SON: variants seen among roughly 807,000 people sequenced by gnomAD.
SON encodes protein SON.
SON carries 4 observed loss-of-function variants against 173.3 expected under a neutral mutation model. The observed-to-expected ratio is 0.02, with a 90% confidence interval of 0.01 to 0.05. The LOEUF (loss-of-function observed/expected upper bound fraction) is 0.05, where lower values mean the gene tolerates loss of function less well. Among genes scored for constraint, SON ranks in the 10% least tolerant of loss-of-function variants. The probability of loss-of-function intolerance (pLI) is 1.00; values close to 1 mark genes in which losing one functional copy is unlikely to be tolerated. For missense variants in SON, 2,626 were observed against 3,055.3 expected (o/e 0.86, Z 3.31); for synonymous variants, 1,190 against 1,105.9 (o/e 1.08, Z -1.51).
At chr21:33,561,445 A>G (rs1188201541) in intron 6 of SON, among the ~76,000 whole-genome samples, 1 of 151,296 alleles carries the variant, frequency 6.6e-6, no homozygotes, top group Non-Finnish European at 1.5e-5. Context: ...AAAGAGTTGG[A>G]AAAAAAAATA....
Position 33,552,812 on chromosome 21 carries a change from C to G in SON, c.3581C>G (p.Thr1194Ser), listed in dbSNP as rs984517284. 1 of 1,613,806 alleles carries G rather than the reference C, an allele frequency of 6.2e-7. No homozygotes were observed. ...TEQSALTAEN[T>S]WPTEVPSSPS... ...CAGTCAGCATTAACAGCTGAAAATA[C>G]TTGGCCTACAGAGGTGCCATCATCA... is the stretch of plus-strand genomic sequence containing the variant. Residue 1194 changes from threonine (T) to serine (S), a missense_variant, in exon 3 of 12, where the codon ACT becomes AGT. Coordinates refer to ENST00000356577, the MANE Select transcript of SON (RefSeq NM_138927.4). The surrounding 1 kb of genome is among the most constrained non-coding windows in gnomAD (Gnocchi z 5.6).
rs1189041666 is a variant in SON at position 33,553,601 on chromosome 21, A to G, written c.4370A>G (p.Gln1457Arg). The G allele has an allele frequency of 6.2e-7, 1 of 1,614,064 alleles. No homozygotes were observed. The highest frequency in any genetic ancestry group is 1.3e-5 in the African/African-American group (1 of 75,032). Reference sequence around the variant, plus strand: ...GAGCCTGCTGTCACAGTCTCAGAGCAGACTCAAGTAATACCAACTGAGGTG... The same window carrying G: ...GAGCCTGCTGTCACAGTCTCAGAGCGGACTCAAGTAATACCAACTGAGGTG... ...VSEPAVTVSE[Q>R]TQVIPTEVAI... The change falls in exon 3 of 12, where the codon CAG (glutamine) becomes CGG (arginine). Residue 1457 changes from glutamine to arginine, a missense_variant. Physicochemically the swap from Gln to Arg is conservative, Grantham distance 43. Coordinates refer to ENST00000356577, the MANE Select transcript of SON (RefSeq NM_138927.4).
intron 11 of SON, 49 bp downstream of exon 11, chr21:33,575,942 C>T (rs2086389050): frequency 1.1e-6 from 1 of 902,920 alleles, no homozygotes; most frequent in Non-Finnish European, 1.7e-6. Context: ...AATGTGATGA[C>T]TTAGAGGGTG....
chr21:33,564,318 T>C (rs1191125499), intron 6 of SON, among the ~76,000 whole-genome samples: 1 of 152,116 alleles, frequency 6.6e-6, no homozygotes, highest in African/African-American at 2.4e-5. Flanking sequence ...CTGTAAGAAG[T>C]TGTACTGGGC....
rs2085739839 is a variant in SON, at chr21:33,550,376, A to G, written c.1145A>G (p.Glu382Gly). 6.2e-7 allele frequency: 1 copy of G among 1,613,878 alleles called. No homozygotes were observed. The highest frequency in any genetic ancestry group is 8.5e-7 in the Non-Finnish European group (1 of 1,180,014). Residue 382 changes from glutamate (E) to glycine (G), a missense_variant, in exon 3 of 12, where the codon GAG (glutamate) becomes GGG (glycine). By Grantham distance (98) the Glu-to-Gly change is moderately conservative. Around this residue, in one of 13 missense-constraint regions of SON, gnomAD observed 757 missense variants for 730.1 expected, o/e 1.04. Transcript: ENST00000356577. ...GAGTCGTCGGTGGCCTCAGCGATGG[A>G]GTTGCCGGGGCCACCTGCGACCTCC... ...LQESSVASAM[E>G]LPGPPATSMP...
In SON at chr21:33,575,748, T is replaced by A. The variant is rs1168793426; in HGVS notation, c.7106-30T>A. 3 of 1,570,048 alleles carry A rather than the reference T, an allele frequency of 1.9e-6. No individual in the cohort carries two copies. The African/African-American group carries it at 4.1e-5, about 21-fold the overall frequency. On this transcript the variant is annotated intron_variant, in intron 10 of 11. Transcript: ENST00000356577. ...TTGTTGCAGAAGTTGGTGGAAATAA[T>A]TTAAAACTGGGTATTTCTCCCCCCT...
At chr21:33,562,592 AT>A (rs1372159116) in intron 6 of SON, among the ~76,000 whole-genome samples, 1 of 152,194 alleles carries the variant, frequency 6.6e-6, no homozygotes, top group Non-Finnish European at 1.5e-5. Context: ...GCATAAATTC[AT>A]TTCTTATGGA....
chr21:33,563,559 A>G (rs973339165), intron 6 of SON, among the ~76,000 whole-genome samples: 3 of 152,158 alleles, frequency 2.0e-5, no homozygotes, highest in African/African-American at 2.4e-5. Context: ...TTTTCTGGTT[A>G]TAGGTATTTT....
In SON at chr21:33,559,514, T is replaced by G; in HGVS notation, c.6469-73T>G. 6.7e-7 allele frequency: 1 copy of G among 1,484,316 alleles called. No individual in the cohort carries two copies. Among genetic ancestry groups the G allele is most frequent in the Non-Finnish European group, 9.1e-7 (1 of 1,096,158 alleles). 91.9% of individuals were successfully genotyped at this position (1,484,316 alleles called of 1,614,324 possible). ...ATGGATAATATCATTTCCTTCAGAT[T>G]ATGTAGAAAATCTCAAACCATTTAA... On this transcript the variant is annotated intron_variant, in intron 5 of 11. Coordinates refer to ENST00000356577, the MANE Select transcript of SON (RefSeq NM_138927.4). The surrounding 1 kb of genome is among the most constrained non-coding windows in gnomAD (Gnocchi z 4.1).
rs1444522349 is a variant in SON at position 33,554,604 on chromosome 21, A to C, written c.5373A>C (p.Glu1791Asp). Residue 1791 changes from glutamate (E) to aspartate (D), a missense_variant, in exon 3 of 12, where the codon GAA (glutamate) becomes GAC (aspartate). Around this residue, in one of 13 missense-constraint regions of SON, gnomAD observed 1,006 missense variants for 895.6 expected, o/e 1.12. Transcript: ENST00000356577. The stretch of plus-strand genomic sequence containing the variant: ...CTTCAGAGGAAAAAGATGATTATGA[A>C]ATTTTTGTAAAAGTTAAGGACACTC... ...ESSSEEKDDY[E>D]IFVKVKDTHE... 1 of 1,613,960 alleles carries C rather than the reference A, an allele frequency of 6.2e-7. No homozygotes were observed. Among genetic ancestry groups the C allele is most frequent in the Admixed American group, 1.7e-5 (1 of 60,006 alleles).
At chr21:33,567,327 A>G in intron 7 of SON, 60 bp downstream of exon 7, 1 of 930,698 alleles carries the variant, frequency 1.1e-6, no homozygotes, top group Non-Finnish European at 1.8e-6. Context: ...ACACCAATGT[A>G]CCAGTTTTAA....
At position 33,567,266 on chromosome 21, in the gene SON, G is replaced by A; in HGVS notation, c.6767G>A (p.Arg2256Lys). 6.5e-7 allele frequency: 1 copy of A among 1,538,676 alleles called. No individual in the cohort carries two copies. The highest frequency in any genetic ancestry group is 9.0e-7 in the Non-Finnish European group (1 of 1,111,150). ...AGCATGTTAAATAGAGCTCAGGAAAGGGTATGTAGCAGTTTTTTAAAAAAA... is the reference window on the plus strand; with the variant it reads ...AGCATGTTAAATAGAGCTCAGGAAAAGGTATGTAGCAGTTTTTTAAAAAAA... ...AMSMLNRAQE[R>K]IDAWAQLNSI... Residue 2256 changes from arginine to lysine, a missense_variant and splice_region_variant, in exon 7 of 12, where the codon AGG becomes AAG. Physicochemically the swap from Arg to Lys is conservative, Grantham distance 26. This residue lies in a region of SON where 75 missense variants were observed against 201.6 expected (regional missense o/e 0.37). Transcript: ENST00000356577.
In SON at chr21:33,553,492, G is replaced by C; in HGVS notation, c.4261G>C (p.Glu1421Gln). 6.2e-7 allele frequency: 1 copy of C among 1,614,208 alleles called. No individual in the cohort carries two copies. The highest frequency in any genetic ancestry group is 8.5e-7 in the Non-Finnish European group (1 of 1,180,046). Residue 1421 changes from glutamate (E) to glutamine (Q), a missense_variant, in exon 3 of 12, where the codon GAA becomes CAA. By Grantham distance (29) the Glu-to-Gln change is conservative. Coordinates refer to ENST00000356577, the MANE Select transcript of SON (RefSeq NM_138927.4). Reference protein sequence around the residue: ...SALEPSVPVLEPAVSVLQPSM... With the variant: ...SALEPSVPVLQPAVSVLQPSM... ...GCTGGAGCCTTCTGTGCCTGTTCTGGAACCAGCGGTGTCAGTCCTTCAACC... is the reference window on the plus strand; with the variant it reads ...GCTGGAGCCTTCTGTGCCTGTTCTGCAACCAGCGGTGTCAGTCCTTCAACC...
At position 33,553,517 on chromosome 21, in the gene SON, C is replaced by G. The variant is rs1401543314; in HGVS notation, c.4286C>G (p.Pro1429Arg). 1 of 1,614,068 alleles carries G rather than the reference C, an allele frequency of 6.2e-7. No homozygotes were observed. The highest frequency in any genetic ancestry group is 1.3e-5 in the African/African-American group (1 of 74,918). The stretch of plus-strand genomic sequence containing the variant: ...GAACCAGCGGTGTCAGTCCTTCAAC[C>G]TTCTATGATTGTTTCAGAACCATCT... ...VLEPAVSVLQ[P>R]SMIVSEPSVS... Residue 1429 changes from proline to arginine, a missense_variant, in exon 3 of 12, where the codon CCT becomes CGT. Physicochemically the swap from Pro to Arg is moderately radical, Grantham distance 103. Coordinates refer to ENST00000356577, the MANE Select transcript of SON (RefSeq NM_138927.4).
In SON at chr21:33,545,443, T is replaced by A. The variant is rs117447871; in HGVS notation, c.78-770T>A. 3.3e-5 allele frequency among the ~76,000 whole-genome samples: 5 copies of A among 152,288 alleles called. No homozygotes were observed. In the East Asian group the frequency reaches 9.6e-4, roughly 29 times the overall value. On this transcript the variant is annotated intron_variant, in intron 1 of 11. Transcript: ENST00000356577. ...GCTAAAATTGAAGTTAAAATCAAAC[T>A]GTTGCTGAAAGTATTTGATTTTTCA...
chr21:33,572,750 A>T, intron 8 of SON: 3 of 382,732 alleles, frequency 7.8e-6, no homozygotes, highest in South Asian at 2.5e-5. Context: ...TCTATTTGTT[A>T]CTGTGTAAAT....
chr21:33,543,083 A>C lies in SON; in HGVS notation c.-10A>C. The C allele has an allele frequency of 6.2e-7, 1 of 1,613,898 alleles. No individual in the cohort carries two copies. Among genetic ancestry groups the C allele is most frequent in the Middle Eastern group, 1.6e-4 (1 of 6,062 alleles). On this transcript the variant is annotated 5_prime_UTR_variant, in exon 1 of 12. Transcript: ENST00000356577. ...TAGCGAGGAGGAGTTGAGAGAACGG[A>C]GCGGACGCCATGGCGACCAACATCG...
In SON at chr21:33,553,011, G is replaced by A. The variant is rs140809737; in HGVS notation, c.3780G>A (p.Thr1260=). ...EPPPEPESSI[T]LTPVESAVVA... ...CACCAGAGCCAGAATCTTCAATTACGTTAACACCTGTAGAGTCTGCAGTAG... is the reference window on the plus strand; with the variant it reads ...CACCAGAGCCAGAATCTTCAATTACATTAACACCTGTAGAGTCTGCAGTAG... Residue 1260 remains threonine, a synonymous_variant, in exon 3 of 12, where the codon ACG becomes ACA. Coordinates refer to ENST00000356577, the MANE Select transcript of SON (RefSeq NM_138927.4). The A allele has an allele frequency of 6.0e-5, 96 of 1,612,352 alleles. No individual in the cohort carries two copies. The African/African-American group carries it at 7.3e-4, about 12-fold the overall frequency.
At position 33,568,690 on chromosome 21, in the gene SON, TTTTTGCATTTTTAG is replaced by T. The variant is rs1179728851; in HGVS notation, c.6769-279_6769-266del. 7.9e-5 allele frequency among the ~76,000 whole-genome samples: 12 copies of T among 152,292 alleles called. No homozygotes were observed. The South Asian group carries it at 2.5e-3, about 32-fold the overall frequency. ...GGGGACCCATTGTCATATGAGCTCT[TTTTTGCATTTTTAG>T]TGTATCTGTGTGATAGTTTGAAGAA... On this transcript the variant is annotated intron_variant, in intron 7 of 11. Coordinates refer to ENST00000356577, the MANE Select transcript of SON (RefSeq NM_138927.4).
Sources: allele counts gnomAD v4.1 joint callset (sites outside exome capture counted in the v4.1 genomes callset), GRCh38; gene constraint gnomAD v4.1.1; regional missense constraint gnomAD v4.1.1; non-coding constraint Gnocchi (gnomAD v3.1); transcripts MANE v1.5; gene names NCBI Gene and HGNC (gene_info 2026-07-23, HGNC 2026-07-21).